The following PTPRD variants were observed in gnomAD, a reference collection of about 807,000 sequenced individuals.
PTPRD encodes the protein protein tyrosine phosphatase receptor type D, also known as receptor-type tyrosine-protein phosphatase delta.
A neutral mutation model predicts 214.5 loss-of-function variants in PTPRD; 34 were observed. That is an observed-to-expected ratio of 0.16 (90% CI 0.12 to 0.21). The LOEUF is 0.21. Among genes scored for constraint, PTPRD ranks in the 10% least tolerant of loss-of-function variants. The pLI, the probability that PTPRD is intolerant of heterozygous loss-of-function variation, is 1.00. For synonymous variants in PTPRD, 1,128 were observed against 845.7 expected (o/e 1.33, Z -5.79); for missense variants, 2,545 against 2,398.7 (o/e 1.06, Z -1.27).
rs879807605 is a variant in PTPRD at position 10,090,953 on chromosome 9, CACACACAT to C, written c.-544-57171_-544-57164del. Among the ~76,000 whole-genome samples the C allele has an allele frequency of 1.8e-3, 271 of 148,744 alleles. 2 individuals are homozygous for C. The highest frequency in any genetic ancestry group is 5.9e-3 in the African/African-American group (237 of 40,220). ...ACACACACACACACACACACACACA[CACACACAT>C]GCATGTGGTAGAGTAACTGTCCAGA... is the stretch of plus-strand genomic sequence containing the variant. On this transcript the variant is annotated intron_variant, in intron 3 of 45. Coordinates refer to ENST00000381196, the MANE Select transcript of PTPRD (RefSeq NM_002839.4).
At chr9:8,345,219 A>T (rs2132758888) in intron 39 of PTPRD, among the ~76,000 whole-genome samples, 1 of 152,112 alleles carries the variant, frequency 6.6e-6, no homozygotes, top group African/African-American at 2.4e-5. Context: ...TTGACACCTA[A>T]GAAGCATTCA....
At chr9:9,852,363 C>T (rs1046617391) in intron 5 of PTPRD, among the ~76,000 whole-genome samples, 15 of 151,604 alleles carry the variant, frequency 9.9e-5, no homozygotes, top group South Asian at 2.1e-4. Flanking sequence ...CCCATCAATA[C>T]GAAAGCTACC....
At chr9:9,110,760 C>T (rs1035149291) in intron 10 of PTPRD, among the ~76,000 whole-genome samples, 1 of 152,134 alleles carries the variant, frequency 6.6e-6, no homozygotes, top group Non-Finnish European at 1.5e-5. Flanking sequence ...TATTTTGTGC[C>T]AGGCATTTTG....
At chr9:8,708,454 A>T (rs2098255446) in intron 12 of PTPRD, among the ~76,000 whole-genome samples, 1 of 151,966 alleles carries the variant, frequency 6.6e-6, no homozygotes, top group Non-Finnish European at 1.5e-5. Flanking sequence ...TGGGCGGATC[A>T]CCTAGGGTCA....
chr9:10,481,715 G>C (rs919941518), intron 2 of PTPRD, among the ~76,000 whole-genome samples: 3 of 152,188 alleles, frequency 2.0e-5, no homozygotes, highest in African/African-American at 7.2e-5. Context: ...GTATGCTATA[G>C]AGTGAAAACA....
intron 3 of PTPRD, among the ~76,000 whole-genome samples, chr9:10,284,755 A>G (rs2095283841): frequency 6.6e-6 from 1 of 151,618 alleles, no homozygotes; most frequent in Non-Finnish European, 1.5e-5. Flanking sequence ...CAACTCATGA[A>G]ACCTTGATTC....
chr9:9,176,710 C>T (rs895601696), intron 10 of PTPRD, among the ~76,000 whole-genome samples: 1 of 151,972 alleles, frequency 6.6e-6, no homozygotes, highest in Non-Finnish European at 1.5e-5. Flanking sequence ...AAGTTCTGTC[C>T]CCATTTACTC....
At chr9:10,295,466 C>T (rs1216303945) in intron 3 of PTPRD, among the ~76,000 whole-genome samples, 3 of 152,004 alleles carry the variant, frequency 2.0e-5, no homozygotes, top group Non-Finnish European at 4.4e-5. Context: ...CCAAAAACAA[C>T]AAAACTAAAT....
At chr9:10,579,472 T>A (rs1009787703) in intron 2 of PTPRD, among the ~76,000 whole-genome samples, 1 of 152,208 alleles carries the variant, frequency 6.6e-6, no homozygotes, top group African/African-American at 2.4e-5. Context: ...CTGCATAGCA[T>A]TTAATGTTGT....
chr9:9,156,046 G>T (rs1289846118), intron 10 of PTPRD, among the ~76,000 whole-genome samples: 1 of 152,072 alleles, frequency 6.6e-6, no homozygotes, highest in African/African-American at 2.4e-5. Flanking sequence ...TATGCTTTCA[G>T]CCTTAGACCT....
chr9:9,270,082 T>C (rs1409097904), intron 9 of PTPRD, among the ~76,000 whole-genome samples: 1 of 151,054 alleles, frequency 6.6e-6, no homozygotes, highest in Non-Finnish European at 1.5e-5. Flanking sequence ...TCTGATGTAT[T>C]CTCACCATAT....
rs1184706318 is a variant in PTPRD at position 10,543,503 on chromosome 9, C to CAA, written c.-600+68894_-600+68895insTT. On this transcript the variant is annotated intron_variant, in intron 2 of 45. Transcript: ENST00000381196. ...ATACACACACACACACACACACACA[C>CAA]ACAAACACACACACACGTACACACA... 2.6e-4 allele frequency among the ~76,000 whole-genome samples: 39 copies of CAA among 151,150 alleles called. No individual in the cohort carries two copies. The East Asian group carries it at 7.2e-3, about 28-fold the overall frequency.
intron 7 of PTPRD, among the ~76,000 whole-genome samples, chr9:9,585,576 T>C (rs1324432509): frequency 1.3e-5 from 2 of 152,078 alleles, no homozygotes; most frequent in African/African-American, 4.8e-5. Context: ...TGGATTTTTC[T>C]TTCTATTAGT....
At chr9:9,368,347 G>T (rs531122075) in intron 9 of PTPRD, among the ~76,000 whole-genome samples, 1 of 151,884 alleles carries the variant, frequency 6.6e-6, no homozygotes, top group East Asian at 1.9e-4. Context: ...CATAAATCGG[G>T]CATAGGAAAA....
At chr9:9,796,086 T>C (rs1175175493) in intron 5 of PTPRD, among the ~76,000 whole-genome samples, 3 of 152,162 alleles carry the variant, frequency 2.0e-5, no homozygotes, top group African/African-American at 7.2e-5. Flanking sequence ...TTTATTGTGA[T>C]TTCTTTGTTC....
chr9:10,209,928 G>C (rs115405240), intron 3 of PTPRD, among the ~76,000 whole-genome samples: 1,974 of 152,138 alleles, frequency 0.013, 43 homozygotes, highest in African/African-American at 0.045. Context: ...GGACAAATAA[G>C]TACAATATTT....
intron 11 of PTPRD, among the ~76,000 whole-genome samples, chr9:8,748,566 C>A (rs952612084): frequency 1.8e-5 from 2 of 109,986 alleles, no homozygotes; most frequent in Non-Finnish European, 4.3e-5. Flanking sequence ...AAAGAAAATG[C>A]GCTTACTTCT....
intron 3 of PTPRD, among the ~76,000 whole-genome samples, chr9:10,237,573 CAT>C (rs1564710946): frequency 6.6e-6 from 1 of 151,926 alleles, no homozygotes; most frequent in Non-Finnish European, 1.5e-5. Flanking sequence ...TCAAAAGACA[CAT>C]GACATGAACA....
rs142734102 is a variant in PTPRD at position 9,221,976 on chromosome 9, T to C, written c.-202-38613A>G. The stretch of plus-strand genomic sequence containing the variant: ...TAACAAAATCCTGAAGTGATCTTTA[T>C]AGACATTAAAGTTTAAATCAATCAA... On this transcript the variant is annotated intron_variant, in intron 9 of 45. Transcript: ENST00000381196. 1.8e-3 allele frequency among the ~76,000 whole-genome samples: 271 copies of C among 152,192 alleles called. 1 individual carries two copies. Among genetic ancestry groups the C allele is most frequent in the African/African-American group, 6.0e-3 (249 of 41,540 alleles).
Sources: allele counts gnomAD v4.1 joint callset (sites outside exome capture counted in the v4.1 genomes callset), GRCh38; gene constraint gnomAD v4.1.1; transcripts MANE v1.5; gene names NCBI Gene and HGNC (gene_info 2026-07-23, HGNC 2026-07-21).